FER: variants seen among roughly 807,000 people sequenced by gnomAD.
The protein encoded by FER is tyrosine-protein kinase Fer.
In FER, 63 loss-of-function variants were observed where a neutral mutation model predicts 111.0. The ratio of observed to expected loss-of-function variants is 0.57; its 90% CI spans 0.46 to 0.70. The LOEUF (loss-of-function observed/expected upper bound fraction) is 0.70. Among genes scored for constraint, FER ranks in the 30% least tolerant of loss-of-function variants. The pLI, the probability that FER is intolerant of heterozygous loss-of-function variation, is 0.00. For missense variants in FER, 914 were observed against 954.0 expected (o/e 0.96, Z 0.55); for synonymous variants, 327 against 313.9 (o/e 1.04, Z -0.44).
At chr5:108,939,682 A>G (rs1346007032) in intron 10 of FER, among the ~76,000 whole-genome samples, 2 of 152,016 alleles carry the variant, frequency 1.3e-5, no homozygotes, top group African/African-American at 4.8e-5. Context: ...AAGAAGTACA[A>G]TATTATAACC....
At chr5:108,925,444 T>C (rs191281821) in intron 10 of FER, among the ~76,000 whole-genome samples, 57 of 152,238 alleles carry the variant, frequency 3.7e-4, no homozygotes, top group Non-Finnish European at 6.6e-4. Context: ...TCTTTTAATG[T>C]ATAAAATATA....
At chr5:108,918,193 C>T (rs184632484) in intron 10 of FER, among the ~76,000 whole-genome samples, 12 of 152,152 alleles carry the variant, frequency 7.9e-5, no homozygotes, top group Non-Finnish European at 1.3e-4. Context: ...AAGCATGTCA[C>T]ATTGCAGGGG....
chr5:108,755,802 A>G (rs17163941), intron 1 of FER, among the ~76,000 whole-genome samples: 17,155 of 150,750 alleles, frequency 0.11, 1,472 homozygotes, highest in African/African-American at 0.24. Context: ...TTCAGTTTTG[A>G]TAACAAATGG....
Position 109,195,956 on chromosome 5 carries a change from T to G in FER, c.*8381T>G, listed in dbSNP as rs557483408. On this transcript the variant is annotated 3_prime_UTR_variant, in exon 20 of 20. Coordinates refer to ENST00000281092, the MANE Select transcript of FER (RefSeq NM_005246.4). Reference sequence around the variant, plus strand: ...TTATGGTTTTCTTCGTGTTTTTTCTTGGTTTTGTCTGGCTTCTTCTGGCAA... The same window carrying G: ...TTATGGTTTTCTTCGTGTTTTTTCTGGGTTTTGTCTGGCTTCTTCTGGCAA... The G allele has an allele frequency of 6.6e-6, 1 of 152,440 alleles. No individual in the cohort carries two copies. Among genetic ancestry groups the G allele is most frequent in the South Asian group, 2.1e-4 (1 of 4,830 alleles). 9.4% of individuals were successfully genotyped at this position (152,440 alleles called of 1,614,324 possible).
rs1766512927 is a variant in FER at position 109,013,066 on chromosome 5, T to TTTAA, written c.1657-24354_1657-24353insAATT. 2.6e-5 allele frequency among the ~76,000 whole-genome samples: 4 copies of TTTAA among 151,678 alleles called. No individual in the cohort carries two copies. The South Asian group carries it at 8.3e-4, about 31-fold the overall frequency. ...GTTATCATTGCTTTTGCTTTTTTTTTTTTAATTTAATTTAATTTTATTATT... is the reference window on the plus strand; with the variant it reads ...GTTATCATTGCTTTTGCTTTTTTTTTTTAATTTAATTTAATTTAATTTTATTATT... On this transcript the variant is annotated intron_variant, in intron 13 of 19. Coordinates refer to ENST00000281092, the MANE Select transcript of FER (RefSeq NM_005246.4).
At chr5:109,075,879 A>C (rs945923999) in intron 16 of FER, among the ~76,000 whole-genome samples, 1 of 152,120 alleles carries the variant, frequency 6.6e-6, no homozygotes, top group Non-Finnish European at 1.5e-5. Flanking sequence ...CCTTCTAAAA[A>C]CTAATTATCT....
intron 1 of FER, chr5:108,748,750 C>G (rs918562337): frequency 6.6e-6 from 1 of 152,348 alleles, no homozygotes; most frequent in African/African-American, 2.4e-5. Flanking sequence ...CTTCGGGGAC[C>G]GGGCCAATCG....
chr5:108,947,960 G>T (rs1236105903), intron 11 of FER, among the ~76,000 whole-genome samples: 3 of 151,886 alleles, frequency 2.0e-5, no homozygotes, highest in Non-Finnish European at 2.9e-5. Flanking sequence ...GAGCTCAAGT[G>T]ATCCTCCCTC....
intron 17 of FER, among the ~76,000 whole-genome samples, chr5:109,158,136 T>C (rs904799499): frequency 1.3e-5 from 2 of 152,020 alleles, no homozygotes; most frequent in Admixed American, 6.6e-5. Context: ...CTCAGCACTT[T>C]GGGAGCCTGA....
intron 16 of FER, among the ~76,000 whole-genome samples, chr5:109,053,715 C>T (rs371266069): frequency 9.8e-5 from 11 of 112,040 alleles, no homozygotes; most frequent in African/African-American, 3.2e-4. Flanking sequence ...TTTTTTGAGA[C>T]GGAATCTCGC....
chr5:108,802,612 G>GC (rs1241761666), intron 3 of FER, among the ~76,000 whole-genome samples: 1 of 150,180 alleles, frequency 6.7e-6, no homozygotes, highest in Non-Finnish European at 1.5e-5. Context: ...TGGAGTATTT[G>GC]TTTTTTTTTG....
intron 17 of FER, among the ~76,000 whole-genome samples, chr5:109,136,582 A>T (rs1227226410): frequency 6.6e-6 from 1 of 152,184 alleles, no homozygotes; most frequent in East Asian, 1.9e-4. Flanking sequence ...GTTATAGCTT[A>T]CAAATTATTT....
At chr5:109,065,126 T>A (rs2149977466) in intron 16 of FER, among the ~76,000 whole-genome samples, 1 of 152,262 alleles carries the variant, frequency 6.6e-6, no homozygotes, top group Non-Finnish European at 1.5e-5. Flanking sequence ...CAATAACCTA[T>A]CCAATATATA....
In FER at chr5:108,938,024, TCTCA is replaced by T. The variant is rs1260060623; in HGVS notation, c.1237-8104_1237-8101del. 5.1e-3 allele frequency among the ~76,000 whole-genome samples: 396 copies of T among 78,016 alleles called. 2 individuals carry two copies. Among genetic ancestry groups the T allele is most frequent in the African/African-American group, 8.0e-3 (173 of 21,536 alleles). The allele number at this position is 78,016 out of a possible 152,430, so 51.2% of individuals were successfully genotyped here. A position where few individuals can be genotyped will look rare whatever the true frequency, so the allele number is the denominator to read the frequency against. The stretch of plus-strand genomic sequence containing the variant: ...TCCCTCCTTTTTTTCCCTATCTCTC[TCTCA>T]CACACACACACACACACACACACAC... On this transcript the variant is annotated intron_variant, in intron 10 of 19. Transcript: ENST00000281092.
In FER at chr5:108,928,007, G is replaced by A. The variant is rs564436082; in HGVS notation, c.1237-18123G>A. Among the ~76,000 whole-genome samples the A allele has an allele frequency of 2.6e-5, 4 of 152,236 alleles. No homozygotes were observed. The South Asian group carries it at 8.3e-4, about 32-fold the overall frequency. ...GAGACATAAAACCTTATTTATCTAG[G>A]TTAATTTTAGACATATTTCTGCCAC... On this transcript the variant is annotated intron_variant, in intron 10 of 19. Coordinates refer to ENST00000281092, the MANE Select transcript of FER (RefSeq NM_005246.4).
chr5:108,952,857 G>T (rs772035155), intron 11 of FER, among the ~76,000 whole-genome samples: 19 of 151,960 alleles, frequency 1.3e-4, no homozygotes, highest in Non-Finnish European at 2.2e-4. Context: ...GGATAGATTG[G>T]CTAGGACAAG....
At chr5:108,872,737 G>A (rs1434548344) in intron 8 of FER, among the ~76,000 whole-genome samples, 1 of 152,078 alleles carries the variant, frequency 6.6e-6, no homozygotes, top group Non-Finnish European at 1.5e-5. Context: ...ATCACAATGT[G>A]TTTTTAGTTC....
chr5:108,839,962 C>T (rs949427384), intron 5 of FER, among the ~76,000 whole-genome samples: 16 of 152,080 alleles, frequency 1.1e-4, no homozygotes, highest in Admixed American at 2.6e-4. Context: ...AATATCTACT[C>T]GTCCAGCCCC....
chr5:108,818,623 C>A (rs1758518642), intron 3 of FER, among the ~76,000 whole-genome samples: 1 of 152,058 alleles, frequency 6.6e-6, no homozygotes, highest in Admixed American at 6.6e-5. Context: ...GTCTTTTTCA[C>A]TGTGTTAAAG....
Sources: allele counts gnomAD v4.1 joint callset (sites outside exome capture counted in the v4.1 genomes callset), GRCh38; gene constraint gnomAD v4.1.1; transcripts MANE v1.5; gene names NCBI Gene and HGNC (gene_info 2026-07-23, HGNC 2026-07-21).